PHF2: variants seen among roughly 807,000 people sequenced by gnomAD.
PHF2 encodes PHD finger protein 2.
Under a neutral mutation model 120.5 loss-of-function variants are expected in PHF2, and 27 were observed. That is an observed-to-expected ratio of 0.22 (90% CI 0.17 to 0.31). The LOEUF is 0.31. Ranked by LOEUF, PHF2 falls within the 10% of genes least tolerant of loss-of-function variation. The pLI, the probability that PHF2 is intolerant of heterozygous loss-of-function variation, is 1.00. For synonymous variants in PHF2, 568 were observed against 592.5 expected, an observed-to-expected ratio of 0.96 and a Z score of 0.60; for missense variants, 1,024 against 1,434.8, an observed-to-expected ratio of 0.71 and a Z score of 4.63.
At chr9:93,601,056 T>C (rs1825430042) in intron 1 of PHF2, among the ~76,000 whole-genome samples, 1 of 152,256 alleles carries the variant, frequency 6.6e-6, no homozygotes, top group South Asian at 2.1e-4. Context: ...GGTGTAAGGG[T>C]TTCCTTCTGT....
At chr9:93,604,272 G>T (rs1185720281) in intron 1 of PHF2, among the ~76,000 whole-genome samples, 1 of 152,090 alleles carries the variant, frequency 6.6e-6, no homozygotes, top group African/African-American at 2.4e-5. Flanking sequence ...TGTGGGAGGA[G>T]CCCTGGAGGA....
chr9:93,643,197 G>C lies in PHF2; in HGVS notation c.300-2432G>C, dbSNP rs376943974. 5.3e-5 allele frequency among the ~76,000 whole-genome samples: 8 copies of C among 152,090 alleles called. No homozygotes were observed. The South Asian group carries it at 1.7e-3, about 32-fold the overall frequency. ...CTTGGCTGCTGTCCACCTACAAGAC[G>C]GTTTGTGTTTGCCTTTTGCTAAGGT... On this transcript the variant is annotated intron_variant, in intron 3 of 21. Coordinates refer to ENST00000359246, the MANE Select transcript of PHF2 (RefSeq NM_005392.4).
At chr9:93,616,925 G>A (rs1825739160) in intron 1 of PHF2, among the ~76,000 whole-genome samples, 1 of 151,972 alleles carries the variant, frequency 6.6e-6, no homozygotes, top group Non-Finnish European at 1.5e-5. Flanking sequence ...CAAAGTACTG[G>A]GATTACAGGT....
chr9:93,583,574 A>AT (rs1452640035), intron 1 of PHF2, among the ~76,000 whole-genome samples: 39 of 122,438 alleles, frequency 3.2e-4, no homozygotes, highest in Middle Eastern at 4.1e-3. Flanking sequence ...TTGTTTTCCT[A>AT]ATTTTTTTTT....
intron 1 of PHF2, among the ~76,000 whole-genome samples, chr9:93,623,174 G>A (rs753460894): frequency 2.0e-4 from 31 of 152,204 alleles, no homozygotes; most frequent in Non-Finnish European, 4.0e-4. Context: ...GTCTCACATG[G>A]ATGTAGGGTC....
chr9:93,646,461 G>A (rs1182348026), intron 4 of PHF2, among the ~76,000 whole-genome samples: 1 of 152,236 alleles, frequency 6.6e-6, no homozygotes, highest in African/African-American at 2.4e-5. Context: ...GTGCTCATGG[G>A]GGATGCCTGG....
In PHF2 at chr9:93,596,062, C is replaced by G. The variant is rs549140517; in HGVS notation, c.98+19191C>G. Reference sequence around the variant, plus strand: ...GAACTGCCCTCCCGGCTCCACTGCTCTTGGCCTCTCTGGTTAAGCTGGCTC... The same window carrying G: ...GAACTGCCCTCCCGGCTCCACTGCTGTTGGCCTCTCTGGTTAAGCTGGCTC... On this transcript the variant is annotated intron_variant, in intron 1 of 21. Coordinates refer to ENST00000359246, the MANE Select transcript of PHF2 (RefSeq NM_005392.4). Among the ~76,000 whole-genome samples, 3 of 152,328 alleles carry G rather than the reference C, an allele frequency of 2.0e-5. No homozygotes were observed. The South Asian group carries it at 6.2e-4, about 32-fold the overall frequency.
At position 93,676,861 on chromosome 9, in the gene PHF2, G is replaced by A. The variant is rs189517049; in HGVS notation, c.3100G>A (p.Gly1034Arg). ...GTACACAGCCGCTGGCACCTTCACCGGGGCCCAGGCTGGCCGCACCTCCCA... is the reference window on the plus strand; with the variant it reads ...GTACACAGCCGCTGGCACCTTCACCAGGGCCCAGGCTGGCCGCACCTCCCA... ...HEYTAAGTFT[G>R]AQAGRTSQPM... The change falls in exon 21 of 22, where the codon GGG becomes AGG. Residue 1034 changes from glycine to arginine, a missense_variant. Coordinates refer to ENST00000359246, the MANE Select transcript of PHF2 (RefSeq NM_005392.4). The A allele has an allele frequency of 1.2e-4, 186 of 1,568,826 alleles. No individual in the cohort carries two copies. Among genetic ancestry groups the A allele is most frequent in the Admixed American group, 1.0e-3 (55 of 52,436 alleles).
chr9:93,662,922 C>T lies in PHF2; in HGVS notation c.1714C>T (p.Leu572=), dbSNP rs776086110. The T allele has an allele frequency of 2.5e-6, 4 of 1,614,066 alleles. No homozygotes were observed. The highest frequency in any genetic ancestry group is 3.4e-6 in the Non-Finnish European group (4 of 1,179,960). ...TTTTTTCTAGGCCACAAAGAGTGTCCTGAGTGTGCCCAACAAAGATGTGGT... is the reference window on the plus strand; with the variant it reads ...TTTTTTCTAGGCCACAAAGAGTGTCTTGAGTGTGCCCAACAAAGATGTGGT... ...PKKGKATKSV[L]SVPNKDVVHM... is the part of the protein sequence containing the mutation. Residue 572 remains leucine (L), a synonymous_variant, in exon 13 of 22, where the codon CTG becomes TTG. Coordinates refer to ENST00000359246, the MANE Select transcript of PHF2 (RefSeq NM_005392.4).
chr9:93,576,906 C>T (rs1587654432), intron 1 of PHF2, 35 bp downstream of exon 1: 6 of 901,250 alleles, frequency 6.7e-6, no homozygotes, highest in Non-Finnish European at 8.4e-6. Context: ...TCGGCCCGGC[C>T]CGGCCCGGCC....
intron 1 of PHF2, among the ~76,000 whole-genome samples, chr9:93,627,492 A>ATTTTTTGTTTTTTTTTTTTTTTTTTTTTT (rs1825932119): frequency 9.2e-6 from 1 of 108,176 alleles, no homozygotes; most frequent in Admixed American, 9.8e-5. Context: ...TTATTTCAGG[A>ATTTTTTGTTTTTTTTTTTTTTTTTTTTTT]TTTTTTTTTT....
In PHF2 at chr9:93,666,037, A is replaced by G. The variant is rs375200860; in HGVS notation, c.2164A>G (p.Lys722Glu). The change falls in exon 16 of 22, where the codon AAG becomes GAG. Residue 722 changes from lysine to glutamate, a missense_variant. By Grantham distance (56) the Lys-to-Glu change is moderately conservative. Coordinates refer to ENST00000359246, the MANE Select transcript of PHF2 (RefSeq NM_005392.4). ...AVLPTPVTKPKLDSAAYKSDD... is the reference protein window; with the variant it reads ...AVLPTPVTKPELDSAAYKSDD... Reference sequence around the variant, plus strand: ...GCTGCCCACGCCTGTCACGAAGCCAAAGCTGGACTCGGCAGCGTACAAGGT... The same window carrying G: ...GCTGCCCACGCCTGTCACGAAGCCAGAGCTGGACTCGGCAGCGTACAAGGT... 6.8e-5 allele frequency: 109 copies of G among 1,612,916 alleles called. No homozygotes were observed. The highest frequency in any genetic ancestry group is 8.6e-5 in the Non-Finnish European group (101 of 1,179,604).
intron 20 of PHF2, among the ~76,000 whole-genome samples, chr9:93,676,295 C>A (rs1587725354): frequency 6.6e-6 from 1 of 152,246 alleles, no homozygotes; most frequent in African/African-American, 2.4e-5. Flanking sequence ...AGTGAATATT[C>A]TTCCAGAACT....
intron 2 of PHF2, among the ~76,000 whole-genome samples, chr9:93,633,401 G>T (rs1826032863): frequency 6.6e-6 from 1 of 152,206 alleles, no homozygotes; most frequent in Admixed American, 6.5e-5. Context: ...GTTAGAAGCG[G>T]CCCTGAATTG....
At chr9:93,592,728 T>G (rs1291073549) in intron 1 of PHF2, among the ~76,000 whole-genome samples, 2 of 152,138 alleles carry the variant, frequency 1.3e-5, no homozygotes, top group Admixed American at 6.5e-5. Flanking sequence ...GTGAGCCAGG[T>G]TGTGTCCCTG....
At chr9:93,625,173 TC>T (rs1825892993) in intron 1 of PHF2, among the ~76,000 whole-genome samples, 1 of 152,196 alleles carries the variant, frequency 6.6e-6, no homozygotes, top group African/African-American at 2.4e-5. Context: ...GCTTTCTGTC[TC>T]CATGGATATA....
At chr9:93,602,069 C>T (rs865783503) in intron 1 of PHF2, among the ~76,000 whole-genome samples, 1 of 152,076 alleles carries the variant, frequency 6.6e-6, no homozygotes, top group Non-Finnish European at 1.5e-5. Flanking sequence ...TGGGCTTTCT[C>T]ATCCTCTACC....
chr9:93,633,382 C>T (rs1422004907), intron 2 of PHF2, among the ~76,000 whole-genome samples: 1 of 152,230 alleles, frequency 6.6e-6, no homozygotes, highest in Non-Finnish European at 1.5e-5. Flanking sequence ...ATGAGGAAGC[C>T]ACATAGTGGT....
intron 10 of PHF2, among the ~76,000 whole-genome samples, chr9:93,658,447 G>T (rs533607497): frequency 6.6e-6 from 1 of 152,324 alleles, no homozygotes; most frequent in South Asian, 2.1e-4. Context: ...CACTGATTGG[G>T]CCACCTGAGG....
Sources: gnomAD v4.1 joint callset for allele counts (sites outside exome capture counted in the v4.1 genomes callset) on GRCh38, gnomAD v4.1.1 for gene constraint, MANE v1.5 for transcripts, NCBI Gene and HGNC (gene_info 2026-07-23, HGNC 2026-07-21) for gene names.